PJA2: variants seen among roughly 807,000 people sequenced by gnomAD.
PJA2 encodes E3 ubiquitin-protein ligase Praja-2.
In PJA2, 25 loss-of-function variants were observed where a neutral mutation model predicts 69.3. The observed-to-expected ratio is 0.36, with a 90% CI of 0.26 to 0.50. The LOEUF (loss-of-function observed/expected upper bound fraction) is 0.50. Ranked by LOEUF, PJA2 falls within the 20% of genes least tolerant of loss-of-function variation. The pLI is 0.96. For missense variants in PJA2, 809 were observed against 830.2 expected (o/e 0.97, Z 0.31); for synonymous variants, 308 against 277.8 (o/e 1.11, Z -1.08).
intron 8 of PJA2, among the ~76,000 whole-genome samples, 173 bp from the exon 9 acceptor site, chr5:109,344,484 A>G (rs1762141297): frequency 6.6e-6 from 1 of 152,218 alleles, no homozygotes; most frequent in South Asian, 2.1e-4. Flanking sequence ...TCTAATAAAT[A>G]CTGCTTTGTA....
chr5:109,341,199 G>C (rs879303639), intron 9 of PJA2, among the ~76,000 whole-genome samples: 1 of 133,240 alleles, frequency 7.5e-6, no homozygotes, highest in Non-Finnish European at 1.7e-5. Flanking sequence ...AGTGAGGAGC[G>C]CCTCTTCCCA....
At chr5:109,402,996 A>T (rs1747594529) in intron 1 of PJA2, among the ~76,000 whole-genome samples, 1 of 152,090 alleles carries the variant, frequency 6.6e-6, no homozygotes, top group African/African-American at 2.4e-5. Context: ...AACATAGAGG[A>T]ATTTAAACCC....
chr5:109,407,979 C>T (rs187538131), intron 1 of PJA2, among the ~76,000 whole-genome samples: 3 of 152,148 alleles, frequency 2.0e-5, no homozygotes, highest in African/African-American at 7.2e-5. Flanking sequence ...TTAGTTCAGT[C>T]TAAAGTTTAC....
At chr5:109,349,259 C>T (rs959052014) in intron 7 of PJA2, among the ~76,000 whole-genome samples, 9 of 152,294 alleles carry the variant, frequency 5.9e-5, no homozygotes, top group African/African-American at 2.2e-4. Context: ...ACTATTGTGT[C>T]GGCTCTGTGA....
At chr5:109,360,578 A>G (rs2126997613) in intron 6 of PJA2, among the ~76,000 whole-genome samples, 1 of 152,270 alleles carries the variant, frequency 6.6e-6, no homozygotes, top group Admixed American at 6.5e-5. Flanking sequence ...CACCTTATCA[A>G]CCTTTAGACG....
At chr5:109,350,431 A>G (rs946887475) in intron 7 of PJA2, among the ~76,000 whole-genome samples, 2 of 152,214 alleles carry the variant, frequency 1.3e-5, no homozygotes, top group African/African-American at 4.8e-5. Context: ...ATCAGCATAA[A>G]ATTTTGTTCT....
intron 7 of PJA2, among the ~76,000 whole-genome samples, chr5:109,355,655 A>T (rs1338900851): frequency 6.6e-6 from 1 of 152,224 alleles, no homozygotes; most frequent in Non-Finnish European, 1.5e-5. Context: ...CAATAGAGAA[A>T]AAAGTATATT....
intron 6 of PJA2, among the ~76,000 whole-genome samples, chr5:109,357,874 T>A (rs1194511801): frequency 6.6e-6 from 1 of 152,202 alleles, no homozygotes; most frequent in Non-Finnish European, 1.5e-5. Flanking sequence ...GACAACTATC[T>A]CCCAATGATT....
chr5:109,364,622 CAAAA>C (rs200663624), intron 5 of PJA2, among the ~76,000 whole-genome samples: 4 of 61,854 alleles, frequency 6.5e-5, no homozygotes, highest in Non-Finnish European at 1.0e-4. Flanking sequence ...GACTCTGTCT[CAAAA>C]AAAAAAAAAA....
At chr5:109,344,886 G>A in intron 7 of PJA2, 67 bp from the exon 8 acceptor site, 2 of 1,005,656 alleles carry the variant, frequency 2.0e-6, no homozygotes, top group Non-Finnish European at 3.0e-6. Context: ...ACTATTTTTA[G>A]GGTATCTCCA....
rs756452801 is a variant in PJA2, at chr5:109,338,444, A to G, written c.2002-1088T>C. 7.1e-4 allele frequency among the ~76,000 whole-genome samples: 108 copies of G among 152,254 alleles called. 1 individual carries two copies. Among genetic ancestry groups the G allele is most frequent in the Admixed American group, 4.8e-3 (74 of 15,284 alleles). On this transcript the variant is annotated intron_variant, in intron 9 of 9. Transcript: ENST00000361189. The stretch of plus-strand genomic sequence containing the variant: ...TGCCTGAGCTCAGGAGTTCGCAACC[A>G]GCCTGGGCAACATGGTGAAACCCCG...
intron 1 of PJA2, among the ~76,000 whole-genome samples, chr5:109,392,553 T>G (rs1582624903): frequency 1.1e-5 from 1 of 94,072 alleles, no homozygotes; most frequent in South Asian, 3.5e-4. Flanking sequence ...AGAGCAAGAC[T>G]CCATCTCAAA....
intron 7 of PJA2, among the ~76,000 whole-genome samples, chr5:109,354,642 A>C (rs1351754766): frequency 1.4e-5 from 2 of 146,454 alleles, no homozygotes; most frequent in African/African-American, 4.9e-5. Context: ...TATTAGATAT[A>C]TGTTATATAT....
At chr5:109,353,547 CTATA>C (rs1438711091) in intron 7 of PJA2, among the ~76,000 whole-genome samples, 2 of 113,142 alleles carry the variant, frequency 1.8e-5, no homozygotes, top group East Asian at 2.6e-4. Flanking sequence ...TCATAGATAT[CTATA>C]TATTAGATAT....
chr5:109,390,936 T>G (rs1345232445), intron 1 of PJA2, among the ~76,000 whole-genome samples: 1 of 152,160 alleles, frequency 6.6e-6, no homozygotes, highest in Non-Finnish European at 1.5e-5. Flanking sequence ...GCAAGTCCAT[T>G]TCAGCTTGTC....
chr5:109,400,361 G>A (rs1415550841), intron 1 of PJA2, among the ~76,000 whole-genome samples: 1 of 150,198 alleles, frequency 6.7e-6, no homozygotes, highest in Non-Finnish European at 1.5e-5. Context: ...TAACTGAAAA[G>A]AAACATGTTA....
At chr5:109,368,485 C>T in intron 5 of PJA2, 76 bp downstream of exon 5, 1 of 1,282,938 alleles carries the variant, frequency 7.8e-7, no homozygotes, top group Non-Finnish European at 1.1e-6. Context: ...CAATTAATGG[C>T]ATATCCAACA....
intron 1 of PJA2, among the ~76,000 whole-genome samples, chr5:109,391,260 C>T (rs141506659): frequency 1.4e-4 from 21 of 152,254 alleles, no homozygotes; most frequent in African/African-American, 4.6e-4. Context: ...CAAACATTAT[C>T]AAGACTGTTT....
In PJA2 at chr5:109,378,522, A is replaced by C. The variant is rs746447999; in HGVS notation, c.965T>G (p.Ile322Arg). 1 of 1,614,156 alleles carries C rather than the reference A, an allele frequency of 6.2e-7. No individual in the cohort carries two copies. Among genetic ancestry groups the C allele is most frequent in the Non-Finnish European group, 8.5e-7 (1 of 1,180,030 alleles). Residue 322 changes from isoleucine (I) to arginine (R), a missense_variant, in exon 4 of 10, where the codon ATA becomes AGA. Transcript: ENST00000361189. ...QVVRPKVRKL[I>R]SSSQVDQETG... ...TTCTTGGTCCACCTGGCTTGAACTTATCAGTTTTCTAACTTTTGGCCTCAC... is the reference window on the plus strand; with the variant it reads ...TTCTTGGTCCACCTGGCTTGAACTTCTCAGTTTTCTAACTTTTGGCCTCAC...
Sources: allele counts gnomAD v4.1 joint callset (sites outside exome capture counted in the v4.1 genomes callset), GRCh38; gene constraint gnomAD v4.1.1; transcripts MANE v1.5; gene names NCBI Gene and HGNC (gene_info 2026-07-23, HGNC 2026-07-21).